The following DPYD variants were observed in gnomAD, a reference collection of about 807,000 sequenced individuals.
DPYD encodes dihydropyrimidine dehydrogenase, also known as dihydropyrimidine dehydrogenase [NADP(+)].
DPYD carries 109 observed loss-of-function variants against 116.2 expected under a neutral mutation model. That is an observed-to-expected ratio of 0.94 (90% CI 0.80 to 1.10). The LOEUF is 1.10. Ranked by LOEUF, DPYD falls within the 50% of genes least tolerant of loss-of-function variation. The pLI, the probability that DPYD is intolerant of heterozygous loss-of-function variation, is 0.00. For synonymous variants in DPYD, 440 were observed against 432.0 expected (o/e 1.02, Z -0.23); for missense variants, 1,302 against 1,254.5 (o/e 1.04, Z -0.57).
At chr1:97,270,511 T>C (rs529587795) in intron 18 of DPYD, among the ~76,000 whole-genome samples, 1 of 152,302 alleles carries the variant, frequency 6.6e-6, no homozygotes, top group Admixed American at 6.5e-5. Context: ...ACCTGTGCTC[T>C]AAAGGCTGTG....
intron 19 of DPYD, among the ~76,000 whole-genome samples, chr1:97,207,538 T>C (rs1049252405): frequency 6.6e-6 from 1 of 152,204 alleles, no homozygotes; most frequent in Non-Finnish European, 1.5e-5. Flanking sequence ...CATTTGATTA[T>C]GTTTTCTCTT....
At chr1:97,451,256 A>T (rs1187807931) in intron 13 of DPYD, among the ~76,000 whole-genome samples, 1 of 152,112 alleles carries the variant, frequency 6.6e-6, no homozygotes, top group African/African-American at 2.4e-5. Context: ...AGGAAACCTT[A>T]ATTAGCATTA....
intron 18 of DPYD, among the ~76,000 whole-genome samples, chr1:97,297,200 C>A (rs1666587769): frequency 6.6e-6 from 1 of 152,142 alleles, no homozygotes; most frequent in South Asian, 2.1e-4. Flanking sequence ...TTGGACTCTC[C>A]AAAAGCATAG....
intron 20 of DPYD, among the ~76,000 whole-genome samples, chr1:97,142,461 G>A (rs1312995151): frequency 6.6e-6 from 1 of 151,996 alleles, no homozygotes; most frequent in Non-Finnish European, 1.5e-5. Context: ...GACCAAAGAA[G>A]AGAAATGAAA....
chr1:97,118,247 C>T (rs747431085), intron 20 of DPYD, among the ~76,000 whole-genome samples: 5 of 152,076 alleles, frequency 3.3e-5, no homozygotes, highest in Admixed American at 2.0e-4. Flanking sequence ...CCAGTCCAGG[C>T]GGGTCTTCCA....
intron 14 of DPYD, among the ~76,000 whole-genome samples, chr1:97,422,882 G>A (rs1674662847): frequency 6.6e-6 from 1 of 152,102 alleles, no homozygotes. Context: ...TAAGTGGCCT[G>A]TAATACAGTT....
chr1:97,095,431 A>G (rs897773131), intron 21 of DPYD, among the ~76,000 whole-genome samples: 2 of 152,110 alleles, frequency 1.3e-5, no homozygotes, highest in East Asian at 1.9e-4. Context: ...ATAACTGTAC[A>G]TGATACTTTA....
At chr1:97,318,696 C>T (rs1394904305) in intron 16 of DPYD, among the ~76,000 whole-genome samples, 1 of 150,116 alleles carries the variant, frequency 6.7e-6, no homozygotes, top group Non-Finnish European at 1.5e-5. Flanking sequence ...AACAAGGATA[C>T]CCAGGAATTG....
intron 19 of DPYD, among the ~76,000 whole-genome samples, chr1:97,209,561 G>T (rs1659900709): frequency 6.6e-6 from 1 of 152,036 alleles, no homozygotes; most frequent in Non-Finnish European, 1.5e-5. Flanking sequence ...CTGATTTTTT[G>T]CTTGTGTCAT....
At chr1:97,618,605 C>T (rs1656443519) in intron 8 of DPYD, among the ~76,000 whole-genome samples, 1 of 152,134 alleles carries the variant, frequency 6.6e-6, no homozygotes, top group Non-Finnish European at 1.5e-5. Context: ...GGGCTTATCT[C>T]ATTACAGACC....
intron 19 of DPYD, among the ~76,000 whole-genome samples, chr1:97,203,818 A>T (rs1380154055): frequency 7.9e-6 from 1 of 126,488 alleles, no homozygotes; most frequent in Non-Finnish European, 1.6e-5. Context: ...AAAAAAAAAA[A>T]GAACAACTCA....
intron 3 of DPYD, among the ~76,000 whole-genome samples, chr1:97,778,961 T>C (rs562579508): frequency 6.6e-6 from 1 of 152,262 alleles, no homozygotes; most frequent in East Asian, 1.9e-4. Context: ...ACAATTCTTT[T>C]TATATCTTAA....
intron 14 of DPYD, 123 bp from the exon 15 acceptor site, chr1:97,382,584 G>GA (rs1672038704): frequency 1.3e-5 from 7 of 535,402 alleles, no homozygotes; most frequent in Non-Finnish European, 2.1e-5. Flanking sequence ...TTCAAACTGT[G>GA]AAAAAATAAA....
At chr1:97,354,221 A>C (rs1670299061) in intron 16 of DPYD, among the ~76,000 whole-genome samples, 1 of 152,200 alleles carries the variant, frequency 6.6e-6, no homozygotes, top group Non-Finnish European at 1.5e-5. Flanking sequence ...TCATAGGCAT[A>C]GAGACAGCTG....
At chr1:97,585,058 A>T (rs1333235082) in intron 10 of DPYD, among the ~76,000 whole-genome samples, 1 of 151,936 alleles carries the variant, frequency 6.6e-6, no homozygotes, top group Non-Finnish European at 1.5e-5. Context: ...TATTTTGAAA[A>T]TTTCATATTA....
intron 20 of DPYD, among the ~76,000 whole-genome samples, chr1:97,168,933 A>C (rs1003679636): frequency 5.3e-5 from 8 of 150,000 alleles, no homozygotes; most frequent in African/African-American, 2.0e-4. Flanking sequence ...TGCAACCTCC[A>C]CCTCACAGGT....
intron 8 of DPYD, among the ~76,000 whole-genome samples, chr1:97,675,945 C>T (rs1018754142): frequency 1.3e-5 from 2 of 151,924 alleles, no homozygotes; most frequent in African/African-American, 4.8e-5. Context: ...GACGGGGTTT[C>T]ACCATGTTGG....
intron 1 of DPYD, among the ~76,000 whole-genome samples, chr1:97,913,433 C>T (rs770886354): frequency 1.2e-4 from 18 of 152,240 alleles, no homozygotes; most frequent in Non-Finnish European, 2.4e-4. Flanking sequence ...CAACAGCAAA[C>T]TCACTGAAGA....
chr1:97,867,784 C>A (rs540471111), intron 2 of DPYD, among the ~76,000 whole-genome samples: 2 of 151,962 alleles, frequency 1.3e-5, no homozygotes, highest in East Asian at 1.9e-4. Context: ...TGGTGAAGAG[C>A]TGAAAGCTTT....
Sources: gnomAD v4.1 joint callset for allele counts (sites outside exome capture counted in the v4.1 genomes callset) on GRCh38, gnomAD v4.1.1 for gene constraint, MANE v1.5 for transcripts, NCBI Gene and HGNC (gene_info 2026-07-23, HGNC 2026-07-21) for gene names.